Variants in PCTP observed in about 807,000 individuals in gnomAD.
PCTP encodes the protein phosphatidylcholine transfer protein.
Under a neutral mutation model 31.0 loss-of-function variants are expected in PCTP, and 27 were observed. The observed-to-expected ratio is 0.87, with a 90% CI of 0.64 to 1.20. PCTP has a LOEUF of 1.20. PCTP is among the 50% of genes most tolerant of loss of function. The pLI, the probability that PCTP is intolerant of heterozygous loss-of-function variation, is 0.00. For missense variants in PCTP, 287 were observed against 268.2 expected (o/e 1.07, Z -0.49); for synonymous variants, 108 against 101.2 (o/e 1.07, Z -0.40).
In PCTP at chr17:55,788,459, A is replaced by G. The variant is rs182012578; in HGVS notation, c.317+805A>G. 2.1e-3 allele frequency among the ~76,000 whole-genome samples: 314 copies of G among 152,288 alleles called. 1 individual carries two copies. The highest frequency in any genetic ancestry group is 7.2e-3 in the African/African-American group (301 of 41,548). On this transcript the variant is annotated intron_variant, in intron 3 of 3. Coordinates refer to the PCTP transcript ENST00000572536. ...GGGGATTATGTTATTTATTTACTCA[A>G]CAAAGATTTATCAAGGGCTAACTCT...
At position 55,791,211 on chromosome 17, in the gene PCTP, A is replaced by T. The variant is rs1257135594; in HGVS notation, c.317+3557A>T. Among the ~76,000 whole-genome samples, 8 of 152,156 alleles carry T rather than the reference A, an allele frequency of 5.3e-5. No homozygotes were observed. The East Asian group carries it at 1.5e-3, about 29-fold the overall frequency. On this transcript the variant is annotated intron_variant, in intron 3 of 3. Coordinates refer to the PCTP transcript ENST00000572536. ...TAAAACCATAAAAACCCTAGAAGAA[A>T]ACCTAGGCATTACCATTCAGGACAC... is the stretch of plus-strand genomic sequence containing the variant.
At chr17:55,819,895 G>A (rs1598016528) in intron 3 of PCTP, among the ~76,000 whole-genome samples, 1 of 152,120 alleles carries the variant, frequency 6.6e-6, no homozygotes, top group Admixed American at 6.5e-5. Context: ...TTTCCATGAA[G>A]GAGTATCAAG....
intron 3 of PCTP, among the ~76,000 whole-genome samples, chr17:55,797,500 G>T (rs1165011797): frequency 6.6e-6 from 1 of 151,852 alleles, no homozygotes; most frequent in African/African-American, 2.4e-5. Flanking sequence ...TTGGTACCAG[G>T]GTTAATACTG....
Position 55,767,444 on chromosome 17 carries a change from ATGTTAAAGGTGAG to A in PCTP, c.254_259+7del, listed in dbSNP as rs764065179. 1 of 1,592,006 alleles carries A rather than the reference ATGTTAAAGGTGAG, an allele frequency of 6.3e-7. No homozygotes were observed. Among genetic ancestry groups the A allele is most frequent in the South Asian group, 1.1e-5 (1 of 89,526 alleles). On this transcript the variant is annotated splice_donor_variant and splice_donor_5th_base_variant and coding_sequence_variant and intron_variant, in exon 2 of 6. Transcript: ENST00000268896. LOFTEE classifies it high-confidence loss of function. ...GATTACAGAAAACAATGGGACCAGTATGTTAAAGGTGAGTGATGCTTGCTTTTCTTTTTTTTTT... is the reference window on the plus strand; with the variant it reads ...GATTACAGAAAACAATGGGACCAGTATGATGCTTGCTTTTCTTTTTTTTTT...
At chr17:55,817,358 A>G (rs988074761) in intron 3 of PCTP, among the ~76,000 whole-genome samples, 2 of 152,242 alleles carry the variant, frequency 1.3e-5, no homozygotes, top group African/African-American at 2.4e-5. Flanking sequence ...CACAGAGTCC[A>G]GAAAGTTCCT....
At chr17:55,754,232 G>T (rs1403919285) in intron 1 of PCTP, among the ~76,000 whole-genome samples, 2 of 152,156 alleles carry the variant, frequency 1.3e-5, no homozygotes, top group Non-Finnish European at 2.9e-5. Flanking sequence ...CACTTGTAAT[G>T]CCAGTTGAAA....
chr17:55,817,880 C>T (rs1295801346), intron 3 of PCTP, among the ~76,000 whole-genome samples: 1 of 152,152 alleles, frequency 6.6e-6, no homozygotes, highest in Non-Finnish European at 1.5e-5. Context: ...GCTAAGAACA[C>T]ACTATGAGCC....
intron 2 of PCTP, chr17:55,769,928 C>T (rs1411030027): frequency 6.6e-6 from 1 of 152,230 alleles, no homozygotes; most frequent in Non-Finnish European, 1.5e-5. Context: ...CCACCTCTCC[C>T]TTTCTTTTAA....
chr17:55,829,223 A>AAAT (rs1555571466), intron 5 of PCTP, among the ~76,000 whole-genome samples: 2 of 151,972 alleles, frequency 1.3e-5, no homozygotes, highest in African/African-American at 4.8e-5. Flanking sequence ...AAAAAAAAAA[A>AAAT]AAATAAAGAC....
intron 3 of PCTP, among the ~76,000 whole-genome samples, chr17:55,818,033 A>G (rs139101832): frequency 2.0e-4 from 30 of 152,282 alleles, no homozygotes; most frequent in Admixed American, 2.0e-3. Context: ...TGATACAGGT[A>G]TGTACAGGAT....
intron 3 of PCTP, among the ~76,000 whole-genome samples, chr17:55,801,665 A>C (rs1048754482): frequency 1.3e-5 from 2 of 152,220 alleles, no homozygotes; most frequent in Non-Finnish European, 2.9e-5. Flanking sequence ...CTTGAAACCA[A>C]TGAGAACAAA....
In PCTP at chr17:55,777,011, T is replaced by C; in HGVS notation, c.*911T>C. 1.0e-6 allele frequency: 1 copy of C among 985,756 alleles called. No individual in the cohort carries two copies. The highest frequency in any genetic ancestry group is 1.2e-6 in the Non-Finnish European group (1 of 829,958). 61.1% of individuals were successfully genotyped at this position (985,756 alleles called of 1,614,324 possible). A position where few individuals can be genotyped will look rare whatever the true frequency, so the allele number is the denominator to read the frequency against. ...TTTCCTCCCAGAATATTTAGAAATG[T>C]AGAAGGGATAACAGTTCACAGCCAG... On this transcript the variant is annotated 3_prime_UTR_variant, in exon 6 of 6. Coordinates refer to ENST00000268896, the MANE Select transcript of PCTP (RefSeq NM_021213.4).
chr17:55,797,794 T>C (rs1013382889), intron 3 of PCTP, among the ~76,000 whole-genome samples: 6 of 151,954 alleles, frequency 3.9e-5, no homozygotes, highest in Non-Finnish European at 5.9e-5. Context: ...ATCCAGAAAC[T>C]CAAATTATTG....
rs997982170 is a variant in PCTP, at chr17:55,838,475, C to T, written n.506-4252C>T. 3.9e-5 allele frequency among the ~76,000 whole-genome samples: 6 copies of T among 152,236 alleles called. No individual in the cohort carries two copies. In the East Asian group the frequency reaches 7.7e-4, roughly 20 times the overall value. ...AGGTCAAATTCTCCTACTATAACAT[C>T]TCTTAGCTCCATGTTCGTGCTTGTT... On this transcript the variant is annotated intron_variant and non_coding_transcript_variant, in intron 5 of 5. Coordinates refer to the PCTP transcript ENST00000576221.
At chr17:55,792,819 G>T (rs1180670351) in intron 3 of PCTP, among the ~76,000 whole-genome samples, 1 of 152,096 alleles carries the variant, frequency 6.6e-6, no homozygotes, top group African/African-American at 2.4e-5. Context: ...TAATGTCAGA[G>T]CTTTATGTAT....
At chr17:55,839,646 CGCGGTGGCT>C (rs1271035697) in intron 5 of PCTP, among the ~76,000 whole-genome samples, 2 of 152,172 alleles carry the variant, frequency 1.3e-5, no homozygotes, top group Admixed American at 1.3e-4. Flanking sequence ...ACTGGCCGGG[CGCGGTGGCT>C]CACGCCTGTA....
downstream of PCTP, among the ~76,000 whole-genome samples, chr17:55,844,168 T>G (rs1212226778): frequency 6.6e-6 from 1 of 152,232 alleles, no homozygotes; most frequent in Non-Finnish European, 1.5e-5. Flanking sequence ...AATTATCACC[T>G]TGTAACATGG....
chr17:55,832,639 T>G (rs755712550), intron 5 of PCTP, among the ~76,000 whole-genome samples: 4 of 152,246 alleles, frequency 2.6e-5, no homozygotes, highest in Non-Finnish European at 5.9e-5. Context: ...CCCCTAGGCC[T>G]TTGAGAGCTG....
At chr17:55,772,272 G>A (rs1911048752) in intron 3 of PCTP, among the ~76,000 whole-genome samples, 1 of 150,228 alleles carries the variant, frequency 6.7e-6, no homozygotes, top group Admixed American at 6.7e-5. Context: ...TGAGGGTGGG[G>A]CAACAGGGGG....
Sources: gnomAD v4.1 joint callset for allele counts (sites outside exome capture counted in the v4.1 genomes callset) on GRCh38, gnomAD v4.1.1 for gene constraint, MANE v1.5 for transcripts, NCBI Gene and HGNC (gene_info 2026-07-23, HGNC 2026-07-21) for gene names.